Variants in DGKD observed in about 807,000 individuals in gnomAD.
DGKD encodes the protein DAG kinase delta.
DGKD carries 68 observed loss-of-function variants against 154.4 expected under a neutral mutation model. That is an observed-to-expected ratio of 0.44 (90% CI 0.36 to 0.54). The LOEUF is 0.54. DGKD is among the 20% of genes least tolerant of loss of function. The pLI is 0.00. For synonymous variants in DGKD, 693 were observed against 638.0 expected (o/e 1.09, Z -1.30); for missense variants, 1,343 against 1,593.6 (o/e 0.84, Z 2.68).
At chr2:233,467,281 C>A in intron 28 of DGKD, 78 bp downstream of exon 28, 2 of 1,044,096 alleles carry the variant, frequency 1.9e-6, no homozygotes, top group East Asian at 2.4e-5. Context: ...TCTCTGCTTT[C>A]TCCCTTGGCC....
chr2:233,458,387 G>A lies in DGKD; in HGVS notation c.2684G>A (p.Arg895Gln). ...CGAGTCATCAGGCTACAGCATCATC[G>A]GATCGCCCAGGTAGTGGCCATGGTC... ...VSRVIRLQHHRIAQCRTVKIS... is the reference protein window; with the variant it reads ...VSRVIRLQHHQIAQCRTVKIS... The change falls in exon 22 of 30, where the codon CGG becomes CAG. Residue 895 changes from arginine (R) to glutamine (Q), a missense_variant. Around this residue, in one of 6 missense-constraint regions of DGKD, gnomAD observed 429 missense variants for 496.3 expected, o/e 0.86. Coordinates refer to ENST00000264057, the MANE Select transcript of DGKD (RefSeq NM_152879.3). The surrounding 1 kb of genome is among the most constrained non-coding windows in gnomAD (Gnocchi z 6.6). 1.9e-6 allele frequency: 3 copies of A among 1,608,186 alleles called. No individual in the cohort carries two copies. The highest frequency in any genetic ancestry group is 1.7e-4 in the Middle Eastern group (1 of 5,994).
intron 3 of DGKD, among the ~76,000 whole-genome samples, 153 bp from the exon 4 acceptor site, chr2:233,434,227 T>C (rs2062618273): frequency 6.6e-6 from 1 of 152,254 alleles, no homozygotes; most frequent in Admixed American, 6.5e-5. Context: ...TTTTTAGTGA[T>C]CCTTGATAAC....
chr2:233,354,578 G>T lies in DGKD; in HGVS notation c.60G>T (p.Pro20=). The T allele has an allele frequency of 9.2e-7, 1 of 1,086,418 alleles. No individual in the cohort carries two copies. The highest frequency in any genetic ancestry group is 1.1e-6 in the Non-Finnish European group (1 of 883,376). 67.3% of individuals were successfully genotyped at this position (1,086,418 alleles called of 1,614,324 possible). A position where few individuals can be genotyped will look rare whatever the true frequency, so the allele number is the denominator to read the frequency against. ...CCCCGCAACCGCCTCCGCCGCCGCC[G>T]CCCGAGGAGTCGTCCGACAGCGAGC... is the stretch of plus-strand genomic sequence containing the variant. ...PGPPQPPPPP[P]PEESSDSEPE... The change falls in exon 1 of 30, where the codon CCG becomes CCT. Residue 20 remains proline, a synonymous_variant. Transcript: ENST00000264057. The surrounding 1 kb of genome is among the most constrained non-coding windows in gnomAD (Gnocchi z 4.8).
At chr2:233,464,141 C>T in intron 26 of DGKD, 23 bp from the exon 27 acceptor site, 1 of 1,612,440 alleles carries the variant, frequency 6.2e-7, no homozygotes, top group Non-Finnish European at 8.5e-7. Flanking sequence ...CCATTTCTCT[C>T]TCCCTCCCTC....
At chr2:233,376,027 G>A (rs1023475055) in intron 1 of DGKD, among the ~76,000 whole-genome samples, 43 of 152,230 alleles carry the variant, frequency 2.8e-4, no homozygotes, top group African/African-American at 9.1e-4. Flanking sequence ...TCCACAGCTC[G>A]ATAGGGAGAT....
Position 233,468,496 on chromosome 2 carries a change from C to T in DGKD, c.3498C>T (p.Phe1166=), listed in dbSNP as rs764021201. The T allele has an allele frequency of 1.2e-6, 2 of 1,613,742 alleles. No homozygotes were observed. Among genetic ancestry groups the T allele is most frequent in the African/African-American group, 1.3e-5 (1 of 74,884 alleles). The part of the protein sequence containing the change: ...HLSLCEYKDI[F]TRHDIRGSEL... The stretch of plus-strand genomic sequence containing the variant: ...GTCTCTGTGAGTATAAGGACATCTT[C>T]ACACGGCACGACATCCGGGGCTCTG... The change falls in exon 29 of 30, where the codon TTC becomes TTT. Residue 1166 remains phenylalanine, a synonymous_variant. Transcript: ENST00000264057.
At chr2:233,410,818 G>A (rs1303275923) in intron 3 of DGKD, among the ~76,000 whole-genome samples, 1 of 151,342 alleles carries the variant, frequency 6.6e-6, no homozygotes, top group African/African-American at 2.4e-5. Flanking sequence ...CACTGAAGCT[G>A]TCACCATAGT....
chr2:233,450,960 A>G lies in DGKD; in HGVS notation c.2077A>G (p.Ser693Gly). Reference sequence around the variant, plus strand: ...GTGTGAAAAGCTGATCAGCAAAGGGAGTCTGTCCCTAGGCAGTTCTGCTTC... The same window carrying G: ...GTGTGAAAAGCTGATCAGCAAAGGGGGTCTGTCCCTAGGCAGTTCTGCTTC... ...SPCEKLISKG[S>G]LSLGSSASLP... Residue 693 changes from serine to glycine, a missense_variant, in exon 17 of 30, where the codon AGT becomes GGT. Transcript: ENST00000264057. 6.2e-7 allele frequency: 1 copy of G among 1,611,226 alleles called. No individual in the cohort carries two copies. Among genetic ancestry groups the G allele is most frequent in the Non-Finnish European group, 8.5e-7 (1 of 1,177,548 alleles).
intron 3 of DGKD, among the ~76,000 whole-genome samples, chr2:233,423,643 T>C (rs1305777715): frequency 2.0e-5 from 3 of 152,140 alleles, no homozygotes; most frequent in Non-Finnish European, 2.9e-5. Context: ...AGGTGAGTGC[T>C]GGAGTGCCTA....
At chr2:233,378,489 A>G (rs1031412282) in intron 1 of DGKD, among the ~76,000 whole-genome samples, 1 of 151,486 alleles carries the variant, frequency 6.6e-6, no homozygotes, top group African/African-American at 2.4e-5. Context: ...GGCTCAAGCT[A>G]TCCTCCCGCC....
intron 1 of DGKD, among the ~76,000 whole-genome samples, chr2:233,369,687 A>G (rs934402234): frequency 2.0e-5 from 3 of 152,138 alleles, no homozygotes; most frequent in African/African-American, 4.8e-5. Flanking sequence ...GCTGGGCACA[A>G]TCTGGGGCTG....
intron 1 of DGKD, among the ~76,000 whole-genome samples, chr2:233,361,986 C>T (rs1260200621): frequency 2.6e-5 from 4 of 152,096 alleles, no homozygotes; most frequent in Non-Finnish European, 5.9e-5. Flanking sequence ...TTAATAGAGA[C>T]GGAGTCTTAC....
intron 24 of DGKD, among the ~76,000 whole-genome samples, chr2:233,461,881 GGCT>G (rs1319093092): frequency 1.3e-5 from 2 of 152,240 alleles, no homozygotes; most frequent in Non-Finnish European, 2.9e-5. Context: ...TCCCTATGAG[GGCT>G]GCTATCTGGG....
At chr2:233,432,302 G>T (rs1356739034) in intron 3 of DGKD, among the ~76,000 whole-genome samples, 2 of 94,338 alleles carry the variant, frequency 2.1e-5, no homozygotes, top group African/African-American at 7.6e-5. Flanking sequence ...AAGGTGGGCG[G>T]ATCATGAGGT....
intron 3 of DGKD, among the ~76,000 whole-genome samples, chr2:233,403,067 C>T (rs1232562458): frequency 7.2e-5 from 11 of 151,954 alleles, no homozygotes; most frequent in East Asian, 1.9e-4. Flanking sequence ...GATGTGGGGA[C>T]GGGTCCCTTT....
chr2:233,459,882 C>T lies in DGKD; in HGVS notation c.2820C>T (p.Thr940=). ...ACAAGAACCGGGCACAGACACTGACCAGAGACAGGGTAAGAGCGGCTGCCC... is the reference window on the plus strand; with the variant it reads ...ACAAGAACCGGGCACAGACACTGACTAGAGACAGGGTAAGAGCGGCTGCCC... ...IVHKNRAQTL[T]RDRAFESTLK... The change falls in exon 23 of 30, where the codon ACC becomes ACT. Residue 940 remains threonine, a synonymous_variant. Coordinates refer to ENST00000264057, the MANE Select transcript of DGKD (RefSeq NM_152879.3). This position sits in a 1 kb window ranked among gnomAD's most constrained non-coding sequence, Gnocchi z 5.7. 1 of 1,613,760 alleles carries T rather than the reference C, an allele frequency of 6.2e-7. No individual in the cohort carries two copies.
At chr2:233,355,346 A>G (rs1701489122) in intron 1 of DGKD, among the ~76,000 whole-genome samples, 1 of 152,204 alleles carries the variant, frequency 6.6e-6, no homozygotes, top group Non-Finnish European at 1.5e-5. Flanking sequence ...TTTTTGCAGG[A>G]GGAAAGTTGC....
At chr2:233,462,611 GC>G in intron 25 of DGKD, 31 bp from the exon 26 acceptor site, 1 of 1,598,900 alleles carries the variant, frequency 6.3e-7, no homozygotes, top group East Asian at 2.2e-5. Flanking sequence ...TCGGCCCCCC[GC>G]CCCCATGCAT....
chr2:233,438,774 CT>C lies in DGKD; in HGVS notation c.1085+396del, dbSNP rs1243718355. On this transcript the variant is annotated intron_variant, in intron 9 of 29. Coordinates refer to ENST00000264057, the MANE Select transcript of DGKD (RefSeq NM_152879.3). The surrounding 1 kb of genome is among the most constrained non-coding windows in gnomAD (Gnocchi z 4.1). The stretch of plus-strand genomic sequence containing the variant: ...ATCTATCATCTATCTATCTATCTAT[CT>C]ATCTATCTATCTATCTATCTATCTA... 1.8e-4 allele frequency among the ~76,000 whole-genome samples: 23 copies of C among 126,920 alleles called. No individual in the cohort carries two copies. The highest frequency in any genetic ancestry group is 5.4e-4 in the South Asian group (2 of 3,728). The allele number at this position is 126,920 out of a possible 152,430, so 83.3% of individuals were successfully genotyped here. A position where few individuals can be genotyped will look rare whatever the true frequency, so the allele number is the denominator to read the frequency against.
Sources: gnomAD v4.1 joint callset for allele counts (sites outside exome capture counted in the v4.1 genomes callset) on GRCh38, gnomAD v4.1.1 for gene constraint, gnomAD v4.1.1 regional missense constraint, Gnocchi (gnomAD v3.1) non-coding constraint, MANE v1.5 for transcripts, NCBI Gene and HGNC (gene_info 2026-07-23, HGNC 2026-07-21) for gene names.